The following KDM4B variants were observed in gnomAD, a reference collection of about 807,000 sequenced individuals.
KDM4B encodes lysine-specific demethylase 4B.
In KDM4B, 32 loss-of-function variants were observed where a neutral mutation model predicts 125.2. That is an observed-to-expected ratio of 0.26 (90% CI 0.19 to 0.34). KDM4B has a LOEUF of 0.34. Ranked by LOEUF, KDM4B falls within the 10% of genes least tolerant of loss-of-function variation. The pLI, the probability that KDM4B is intolerant of heterozygous loss-of-function variation, is 1.00. For synonymous variants in KDM4B, 721 were observed against 677.9 expected (o/e 1.06, Z -0.99); for missense variants, 1,190 against 1,577.7 (o/e 0.75, Z 4.16).
At chr19:5,121,321 C>T (rs139432270) in intron 11 of KDM4B, among the ~76,000 whole-genome samples, 197 of 152,322 alleles carry the variant, frequency 1.3e-3, no homozygotes, top group Non-Finnish European at 1.9e-3. Context: ...CTGTTCAGCA[C>T]GCCTCAGGAG....
At position 5,114,123 on chromosome 19, in the gene KDM4B, C is replaced by G; in HGVS notation, c.1115+3305C>G. 8 of 1,289,532 alleles carry G rather than the reference C, an allele frequency of 6.2e-6. No individual in the cohort carries two copies. The highest frequency in any genetic ancestry group is 8.1e-6 in the Non-Finnish European group (8 of 988,758). The allele number at this position is 1,289,532 out of a possible 1,614,324, so 79.9% of individuals were successfully genotyped here. A position where few individuals can be genotyped will look rare whatever the true frequency, so the allele number is the denominator to read the frequency against. Reference sequence around the variant, plus strand: ...GGCGCTGTGCGTTCTGGTGCCCTGCCTGAGCCGGAGCCCTCACAGTGCTCT... The same window carrying G: ...GGCGCTGTGCGTTCTGGTGCCCTGCGTGAGCCGGAGCCCTCACAGTGCTCT... On this transcript the variant is annotated intron_variant, in intron 10 of 22. Coordinates refer to ENST00000159111, the MANE Select transcript of KDM4B (RefSeq NM_015015.3). The surrounding 1 kb of genome is among the most constrained non-coding windows in gnomAD (Gnocchi z 5.8).
chr19:5,150,672 C>T (rs146567897), intron 22 of KDM4B, among the ~76,000 whole-genome samples: 51 of 152,214 alleles, frequency 3.4e-4, no homozygotes, highest in African/African-American at 8.2e-4. Context: ...TGGGCGATGC[C>T]GTTAATGTGG....
At chr19:4,974,490 G>A (rs2034375101) in intron 1 of KDM4B, among the ~76,000 whole-genome samples, 2 of 151,982 alleles carry the variant, frequency 1.3e-5, no homozygotes, top group South Asian at 4.1e-4. Flanking sequence ...TGTAATCCCA[G>A]CACTTTGAGA....
At chr19:5,096,341 TC>T (rs1288209383) in intron 9 of KDM4B, among the ~76,000 whole-genome samples, 2 of 152,150 alleles carry the variant, frequency 1.3e-5, no homozygotes, top group Admixed American at 1.3e-4. Flanking sequence ...CGCCTTGGCC[TC>T]CCAGAGTACT....
chr19:5,077,611 C>T (rs1262235949), intron 8 of KDM4B, 141 bp downstream of exon 8: 12 of 675,850 alleles, frequency 1.8e-5, no homozygotes, highest in South Asian at 1.4e-4. Context: ...AGAGGAGGGC[C>T]GCATGGCTCA....
At chr19:5,031,650 C>T (rs1474881900) in intron 2 of KDM4B, among the ~76,000 whole-genome samples, 1 of 152,198 alleles carries the variant, frequency 6.6e-6, no homozygotes, top group Non-Finnish European at 1.5e-5. Flanking sequence ...TGGGGTGGAC[C>T]CAAGGCAGTA....
At chr19:5,053,782 C>G (rs543937637) in intron 6 of KDM4B, among the ~76,000 whole-genome samples, 2 of 152,254 alleles carry the variant, frequency 1.3e-5, no homozygotes, top group African/African-American at 2.4e-5. Context: ...CCAGCTGCTA[C>G]GCCTGAGTAG....
At chr19:5,121,467 C>T (rs1384327031) in intron 11 of KDM4B, among the ~76,000 whole-genome samples, 1 of 152,188 alleles carries the variant, frequency 6.6e-6, no homozygotes, top group Non-Finnish European at 1.5e-5. Flanking sequence ...CTACAGGCAG[C>T]CGCCTGGTGA....
At chr19:5,085,214 AGTCTCGAAT>A (rs962979312) in intron 9 of KDM4B, among the ~76,000 whole-genome samples, 9 of 152,210 alleles carry the variant, frequency 5.9e-5, no homozygotes, top group Non-Finnish European at 1.0e-4. Flanking sequence ...CAGTTCAGAA[AGTCTCGAAT>A]GTCTCTAGTG....
chr19:4,975,949 TA>T (rs962406689), intron 1 of KDM4B, among the ~76,000 whole-genome samples: 14 of 141,812 alleles, frequency 9.9e-5, no homozygotes, highest in Admixed American at 1.4e-4. Context: ...ATTCTAGCCT[TA>T]AAAAAAAAAT....
intron 1 of KDM4B, among the ~76,000 whole-genome samples, chr19:5,015,837 C>A (rs1284358142): frequency 6.6e-6 from 1 of 152,232 alleles, no homozygotes; most frequent in Non-Finnish European, 1.5e-5. Context: ...GCAGCCCCTG[C>A]CCCCCTCTCT....
chr19:5,135,285 G>T (rs998111920), intron 14 of KDM4B, 54 bp from the exon 15 acceptor site: 34 of 1,319,234 alleles, frequency 2.6e-5, no homozygotes, highest in Non-Finnish European at 1.8e-5. Flanking sequence ...CGCGCCGCCC[G>T]CCCGCCTGCC....
In KDM4B at chr19:5,035,880, T is replaced by TGTGTGTGTGTGTGTGTGCGC. The variant is rs58219404; in HGVS notation, c.141+2850_141+2851insTGTGTGTGTGTGTGTGCGCG. Among the ~76,000 whole-genome samples, 37 of 136,504 alleles carry TGTGTGTGTGTGTGTGTGCGC rather than the reference T, an allele frequency of 2.7e-4. No individual in the cohort carries two copies. Among genetic ancestry groups the TGTGTGTGTGTGTGTGTGCGC allele is most frequent in the African/African-American group, 7.1e-4 (27 of 37,904 alleles). 89.6% of individuals were successfully genotyped at this position (136,504 alleles called of 152,430 possible). On this transcript the variant is annotated intron_variant, in intron 3 of 22. Coordinates refer to ENST00000159111, the MANE Select transcript of KDM4B (RefSeq NM_015015.3). This position sits in a 1 kb window ranked among gnomAD's most constrained non-coding sequence, Gnocchi z 5.3. ...ACGTGTCTCTGTGTGTGTGTGTGTG[T>TGTGTGTGTGTGTGTGTGCGC]GCGCGCGCGCGCGCGCCTGCGCGCA...
intron 1 of KDM4B, among the ~76,000 whole-genome samples, chr19:4,970,269 G>A (rs2034208296): frequency 6.6e-6 from 1 of 152,242 alleles, no homozygotes; most frequent in Admixed American, 6.5e-5. Context: ...GTTTGCTTGG[G>A]GGAGGATGCT....
chr19:4,993,904 A>G lies in KDM4B; in HGVS notation c.-108-22353A>G, dbSNP rs370569436. 4.0e-5 allele frequency among the ~76,000 whole-genome samples: 6 copies of G among 151,134 alleles called. No homozygotes were observed. The South Asian group carries it at 1.3e-3, about 32-fold the overall frequency. ...TTGGATTACAGGCATGAGTCATTAT[A>G]CCACACCTGGCACATTTTTTTTTAA... On this transcript the variant is annotated intron_variant, in intron 1 of 22. Coordinates refer to ENST00000159111, the MANE Select transcript of KDM4B (RefSeq NM_015015.3).
At chr19:5,019,464 G>C (rs1220092118) in intron 2 of KDM4B, among the ~76,000 whole-genome samples, 1 of 148,224 alleles carries the variant, frequency 6.7e-6, no homozygotes, top group Non-Finnish European at 1.5e-5. Flanking sequence ...TGGTGTGCAG[G>C]TGTGGGTGTT....
At chr19:5,051,996 C>G (rs1407743399) in intron 6 of KDM4B, among the ~76,000 whole-genome samples, 1 of 152,110 alleles carries the variant, frequency 6.6e-6, no homozygotes, top group African/African-American at 2.4e-5. Flanking sequence ...GCACGGAGCC[C>G]CCAGTTGCTC....
chr19:5,090,326 G>A (rs1489800760), intron 9 of KDM4B, among the ~76,000 whole-genome samples: 1 of 149,912 alleles, frequency 6.7e-6, no homozygotes, highest in Non-Finnish European at 1.5e-5. Flanking sequence ...TTCTCAGCTA[G>A]AGCTGTCTCA....
chr19:4,978,374 G>A lies in KDM4B; in HGVS notation c.-109+9144G>A, dbSNP rs538522146. Reference sequence around the variant, plus strand: ...ATGCAAAACTTAGCCGGGCGCGGTGGCACGTGCCTGTAATCCCAGCTACTC... The same window carrying A: ...ATGCAAAACTTAGCCGGGCGCGGTGACACGTGCCTGTAATCCCAGCTACTC... On this transcript the variant is annotated intron_variant, in intron 1 of 22. Coordinates refer to ENST00000159111, the MANE Select transcript of KDM4B (RefSeq NM_015015.3). Among the ~76,000 whole-genome samples the A allele has an allele frequency of 1.3e-4, 20 of 151,908 alleles. No homozygotes were observed. The East Asian group carries it at 3.9e-3, about 29-fold the overall frequency.
Sources: gnomAD v4.1 joint callset for allele counts (sites outside exome capture counted in the v4.1 genomes callset) on GRCh38, gnomAD v4.1.1 for gene constraint, Gnocchi (gnomAD v3.1) non-coding constraint, MANE v1.5 for transcripts, NCBI Gene and HGNC (gene_info 2026-07-23, HGNC 2026-07-21) for gene names.